UGT3A2: variants seen among roughly 807,000 people sequenced by gnomAD.
UGT3A2 encodes UDP glycosyltransferase family 3 member A2.
UGT3A2 carries 32 observed loss-of-function variants against 39.8 expected under a neutral mutation model. That is an observed-to-expected ratio of 0.80 (90% CI 0.61 to 1.08). The LOEUF (loss-of-function observed/expected upper bound fraction) is 1.08, where lower values mean the gene tolerates loss of function less well. UGT3A2 is among the 50% of genes least tolerant of loss of function. The probability of loss-of-function intolerance (pLI) is 0.00; values close to 1 mark genes in which losing one functional copy is unlikely to be tolerated. For missense variants in UGT3A2, 611 were observed against 637.1 expected, an observed-to-expected ratio of 0.96 and a Z score of 0.44; for synonymous variants, 241 against 230.7, an observed-to-expected ratio of 1.04 and a Z score of -0.40.
chr5:36,048,221 C>T (rs1908391), intron 4 of UGT3A2, among the ~76,000 whole-genome samples: 5,902 of 152,302 alleles, frequency 0.039, 188 homozygotes, highest in East Asian at 0.12. Flanking sequence ...TGCTCAGAGG[C>T]AACAGGCAGC....
chr5:36,063,333 T>G (rs543978202), intron 2 of UGT3A2, among the ~76,000 whole-genome samples: 16 of 152,264 alleles, frequency 1.1e-4, no homozygotes, highest in Admixed American at 5.2e-4. Flanking sequence ...TCTGTTTCCT[T>G]GTGGATCAAC....
intron 2 of UGT3A2, among the ~76,000 whole-genome samples, chr5:36,057,396 G>GA (rs1344357911): frequency 2.0e-5 from 3 of 152,240 alleles, no homozygotes; most frequent in East Asian, 3.9e-4. Context: ...ATTATTAAAA[G>GA]AAACTCTAGA....
chr5:36,035,938 C>A lies in UGT3A2; in HGVS notation c.1332G>T (p.Leu444=). 2 of 1,613,982 alleles carry A rather than the reference C, an allele frequency of 1.2e-6. No homozygotes were observed. The highest frequency in any genetic ancestry group is 1.7e-5 in the Admixed American group (1 of 60,022). ...KSAAVAASVI[L]RSHPLSPTQR... is the part of the protein sequence containing the mutation. ...GTGTGGGGCTGAGCGGGTGGGAGCG[C>A]AGGATGACACTGGCAGCCACTGCCG... Residue 444 remains leucine (L), a synonymous_variant, in exon 7 of 7, where the codon CTG becomes CTT. Transcript: ENST00000282507.
At chr5:36,054,703 G>T (rs1031151111) in intron 2 of UGT3A2, among the ~76,000 whole-genome samples, 2 of 151,466 alleles carry the variant, frequency 1.3e-5, no homozygotes, top group African/African-American at 4.8e-5. Context: ...AAAAAAAAAT[G>T]AGGTGCCAGT....
Position 36,048,805 on chromosome 5 carries a change from G to T in UGT3A2, c.843+84C>A, listed in dbSNP as rs75024533. ...TTGCCTATCCCGACTTTAGCCTCAG[G>T]ATCCTACTGGCAAGTGGCAGCCACC... is the stretch of plus-strand genomic sequence containing the variant. On this transcript the variant is annotated intron_variant, in intron 4 of 6. Coordinates refer to ENST00000282507, the MANE Select transcript of UGT3A2 (RefSeq NM_174914.4). 5,048 of 1,540,982 alleles carry T rather than the reference G, an allele frequency of 3.3e-3. 148 individuals are homozygous for T. The African/African-American group carries it at 0.063, about 19-fold the overall frequency.
At position 36,037,724 on chromosome 5, in the gene UGT3A2, C is replaced by T. The variant is rs1741873179; in HGVS notation, c.1295+73G>A. ...GCAAAACAAAACAAAACCAAAAAAA[C>T]AGACTCCCATAGTGCCCTTAGTGTT... On this transcript the variant is annotated intron_variant, in intron 6 of 6. Transcript: ENST00000282507. The T allele has an allele frequency of 2.6e-6, 4 of 1,518,864 alleles. No homozygotes were observed. The South Asian group carries it at 3.6e-5, about 14-fold the overall frequency. The allele number at this position is 1,518,864 out of a possible 1,614,324, so 94.1% of individuals were successfully genotyped here. A position where few individuals can be genotyped will look rare whatever the true frequency, so the allele number is the denominator to read the frequency against.
At chr5:36,061,384 T>G (rs1374595276) in intron 2 of UGT3A2, among the ~76,000 whole-genome samples, 1 of 76,032 alleles carries the variant, frequency 1.3e-5, no homozygotes, top group East Asian at 4.9e-4. Flanking sequence ...ATGCTATCCC[T>G]CCCCCCTCCC....
chr5:36,050,185 C>A (rs1408717743), intron 3 of UGT3A2, among the ~76,000 whole-genome samples: 28 of 149,572 alleles, frequency 1.9e-4, no homozygotes, highest in African/African-American at 4.9e-5. Flanking sequence ...ATTATTATTT[C>A]TTTCCACCTC....
chr5:36,045,302 T>C (rs1342629918), intron 4 of UGT3A2, among the ~76,000 whole-genome samples: 2 of 152,144 alleles, frequency 1.3e-5, no homozygotes, highest in Admixed American at 1.3e-4. Flanking sequence ...TAGACCTCTA[T>C]ATCTCATCAT....
intron 4 of UGT3A2, among the ~76,000 whole-genome samples, chr5:36,042,035 A>G (rs1385011898): frequency 6.6e-6 from 1 of 152,118 alleles, no homozygotes; most frequent in Non-Finnish European, 1.5e-5. Flanking sequence ...TCAGAATCCT[A>G]TCAGCTAAAT....
At chr5:36,038,507 C>T (rs961124719) in intron 5 of UGT3A2, among the ~76,000 whole-genome samples, 7 of 152,124 alleles carry the variant, frequency 4.6e-5, no homozygotes, top group Non-Finnish European at 7.3e-5. Context: ...TTGTATTGAC[C>T]GTATGGTGTC....
chr5:36,054,622 A>C (rs928976286), intron 2 of UGT3A2, among the ~76,000 whole-genome samples: 6 of 152,184 alleles, frequency 3.9e-5, no homozygotes, highest in African/African-American at 1.4e-4. Flanking sequence ...CCTGCTCCCC[A>C]AAACCAATAG....
intron 2 of UGT3A2, among the ~76,000 whole-genome samples, chr5:36,058,760 CT>C (rs1223719618): frequency 2.7e-5 from 4 of 149,080 alleles, no homozygotes; most frequent in Admixed American, 6.6e-5. Context: ...TTTCTTTTGT[CT>C]TAGGTTTTCA....
At chr5:36,036,074 G>A in intron 6 of UGT3A2, 100 bp from the exon 7 acceptor site, 1 of 1,442,936 alleles carries the variant, frequency 6.9e-7, no homozygotes, top group Middle Eastern at 2.3e-4. Flanking sequence ...GAGTTCCAAG[G>A]AAATTCTGTT....
chr5:36,064,397 G>C (rs1156751031), intron 1 of UGT3A2, 47 bp from the exon 2 acceptor site: 1 of 1,506,638 alleles, frequency 6.6e-7, no homozygotes, highest in Admixed American at 1.7e-5. Context: ...AGAATACAGT[G>C]TCTGAAGTCA....
chr5:36,054,176 C>T (rs667385), intron 2 of UGT3A2, among the ~76,000 whole-genome samples: 102,463 of 152,068 alleles, frequency 0.67, 35,634 homozygotes, highest in Non-Finnish European at 0.75. Flanking sequence ...AGAACTCTTG[C>T]ATTTAAACTG....
intron 4 of UGT3A2, among the ~76,000 whole-genome samples, chr5:36,045,645 G>T (rs938844668): frequency 6.7e-6 from 1 of 150,310 alleles, no homozygotes; most frequent in African/African-American, 2.5e-5. Context: ...AAAAGAAAAA[G>T]ACTGAAATCT....
At chr5:36,062,153 G>A (rs940839268) in intron 2 of UGT3A2, among the ~76,000 whole-genome samples, 4 of 151,408 alleles carry the variant, frequency 2.6e-5, no homozygotes, top group Non-Finnish European at 5.9e-5. Flanking sequence ...CCCTTTGTCA[G>A]ATGAGTAGGT....
intron 2 of UGT3A2, among the ~76,000 whole-genome samples, chr5:36,052,199 G>A (rs1474079760): frequency 2.6e-5 from 4 of 152,200 alleles, no homozygotes; most frequent in Non-Finnish European, 4.4e-5. Context: ...GCTCATTGCA[G>A]TCTCAGCTCC....
Sources: gnomAD v4.1 joint callset for allele counts (sites outside exome capture counted in the v4.1 genomes callset) on GRCh38, gnomAD v4.1.1 for gene constraint, MANE v1.5 for transcripts, NCBI Gene and HGNC (gene_info 2026-07-23, HGNC 2026-07-21) for gene names.